IGSF21: variants seen among roughly 807,000 people sequenced by gnomAD.
IGSF21 encodes the protein immunoglobin superfamily member 21.
IGSF21 carries 28 observed loss-of-function variants against 46.8 expected under a neutral mutation model. The observed-to-expected ratio is 0.60, with a 90% CI of 0.44 to 0.82. The LOEUF is 0.82. Ranked by LOEUF, IGSF21 falls within the 40% of genes least tolerant of loss-of-function variation. The pLI is 0.00. For missense variants in IGSF21, 624 were observed against 665.5 expected (o/e 0.94, Z 0.69); for synonymous variants, 284 against 273.6 (o/e 1.04, Z -0.38).
intron 6 of IGSF21, among the ~76,000 whole-genome samples, chr1:18,367,601 C>CTTTTTTTTTTTT (rs2086179434): frequency 1.4e-5 from 1 of 72,506 alleles, no homozygotes; most frequent in African/African-American, 4.3e-5. Context: ...CTCTCTCTCT[C>CTTTTTTTTTTTT]TCTTTTTTTT....
chr1:18,237,423 C>G (rs927150749), intron 2 of IGSF21, among the ~76,000 whole-genome samples: 1 of 152,210 alleles, frequency 6.6e-6, no homozygotes, highest in African/African-American at 2.4e-5. Flanking sequence ...CATCACCTGG[C>G]CAATGGGCTT....
At chr1:18,284,454 A>G (rs1480884145) in intron 2 of IGSF21, among the ~76,000 whole-genome samples, 1 of 152,222 alleles carries the variant, frequency 6.6e-6, no homozygotes, top group Non-Finnish European at 1.5e-5. Context: ...ATCACCTCCC[A>G]CAGTCTAGAA....
At chr1:18,190,662 C>T (rs1429593145) in intron 1 of IGSF21, among the ~76,000 whole-genome samples, 1 of 152,186 alleles carries the variant, frequency 6.6e-6, no homozygotes, top group African/African-American at 2.4e-5. Flanking sequence ...TCTCTGGTCC[C>T]TCTTTCTTTC....
In IGSF21 at chr1:18,162,013, T is replaced by A. The variant is rs543922091; in HGVS notation, c.70+53815T>A. 3.9e-5 allele frequency among the ~76,000 whole-genome samples: 6 copies of A among 152,232 alleles called. No homozygotes were observed. In the South Asian group the frequency reaches 1.2e-3, roughly 32 times the overall value. On this transcript the variant is annotated intron_variant, in intron 1 of 9. Transcript: ENST00000251296. The stretch of plus-strand genomic sequence containing the variant: ...GTCCCTAACTTACAATGATTCGATT[T>A]CCTGTTTTTCTTTCTTTCTTTTTCC...
At chr1:18,215,020 G>C (rs557410341) in intron 1 of IGSF21, among the ~76,000 whole-genome samples, 1 of 152,164 alleles carries the variant, frequency 6.6e-6, no homozygotes, top group Non-Finnish European at 1.5e-5. Flanking sequence ...GATTACAGGC[G>C]TGAGCCACTG....
At chr1:18,239,837 C>T (rs1169444907) in intron 2 of IGSF21, among the ~76,000 whole-genome samples, 2 of 152,068 alleles carry the variant, frequency 1.3e-5, no homozygotes. Flanking sequence ...ATGACCCAGG[C>T]TGAGTTAGCT....
At chr1:18,353,087 G>A (rs1335592919) in intron 4 of IGSF21, among the ~76,000 whole-genome samples, 2 of 152,062 alleles carry the variant, frequency 1.3e-5, no homozygotes, top group Admixed American at 6.5e-5. Context: ...AAGCACAGAC[G>A]CAGCGTTTAT....
At chr1:18,364,066 A>AT (rs1452787258) in intron 5 of IGSF21, among the ~76,000 whole-genome samples, 1 of 152,086 alleles carries the variant, frequency 6.6e-6, no homozygotes, top group African/African-American at 2.4e-5. Context: ...TTCACAGCCC[A>AT]GGGGCTGTAG....
chr1:18,137,206 T>C (rs1048914067), intron 1 of IGSF21, among the ~76,000 whole-genome samples: 9 of 151,176 alleles, frequency 6.0e-5, no homozygotes, highest in Non-Finnish European at 1.5e-5. Flanking sequence ...GGTGGGGAGG[T>C]GGTGCACACT....
At chr1:18,153,785 A>G (rs2086543008) in intron 1 of IGSF21, among the ~76,000 whole-genome samples, 1 of 152,128 alleles carries the variant, frequency 6.6e-6, no homozygotes, top group African/African-American at 2.4e-5. Flanking sequence ...TCTGAGCCCC[A>G]GATGCATGCT....
chr1:18,133,768 C>A (rs747978976), intron 1 of IGSF21, among the ~76,000 whole-genome samples: 1 of 152,260 alleles, frequency 6.6e-6, no homozygotes, highest in Non-Finnish European at 1.5e-5. Flanking sequence ...CTGCCGATCC[C>A]CGTTATGGGG....
At chr1:18,250,271 C>CGG (rs2124526337) in intron 2 of IGSF21, among the ~76,000 whole-genome samples, 1 of 152,102 alleles carries the variant, frequency 6.6e-6, no homozygotes, top group East Asian at 1.9e-4. Flanking sequence ...GGAGTTCCTT[C>CGG]AGGAGCAAAT....
rs148227407 is a variant in IGSF21, at chr1:18,335,433, C to T, written c.424+423C>T. On this transcript the variant is annotated intron_variant, in intron 4 of 9. Transcript: ENST00000251296. This position sits in a 1 kb window ranked among gnomAD's most constrained non-coding sequence, Gnocchi z 4.8. ...AAGCGCTCATGGCTGGGATTCAGAG[C>T]TCCTGGGTTCTCACCCTCTCCCCAT... Among the ~76,000 whole-genome samples the T allele has an allele frequency of 2.6e-3, 401 of 152,334 alleles. 1 individual carries two copies. Among genetic ancestry groups the T allele is most frequent in the Middle Eastern group, 0.01 (3 of 294 alleles).
chr1:18,272,591 T>G lies in IGSF21; in HGVS notation c.184-19275T>G, dbSNP rs962987481. On this transcript the variant is annotated intron_variant, in intron 2 of 9. Coordinates refer to ENST00000251296, the MANE Select transcript of IGSF21 (RefSeq NM_032880.5). Reference sequence around the variant, plus strand: ...TCATTATGTTCATGCTGAAGATCCATCACCCATGTGACCGCGACAGCCCCT... The same window carrying G: ...TCATTATGTTCATGCTGAAGATCCAGCACCCATGTGACCGCGACAGCCCCT... Among the ~76,000 whole-genome samples, 44 of 152,240 alleles carry G rather than the reference T, an allele frequency of 2.9e-4. 2 individuals are homozygous for G.
chr1:18,297,691 C>T (rs558381697), intron 3 of IGSF21, among the ~76,000 whole-genome samples: 4 of 152,274 alleles, frequency 2.6e-5, no homozygotes, highest in East Asian at 3.9e-4. Context: ...ACATCACCCA[C>T]GCACATCCAC....
chr1:18,181,217 C>G (rs2086854768), intron 1 of IGSF21, among the ~76,000 whole-genome samples: 1 of 152,214 alleles, frequency 6.6e-6, no homozygotes, highest in Admixed American at 6.5e-5. Context: ...CATTTAACAC[C>G]TGCCTCATAT....
At chr1:18,352,914 G>A (rs2085972706) in intron 4 of IGSF21, among the ~76,000 whole-genome samples, 1 of 152,172 alleles carries the variant, frequency 6.6e-6, no homozygotes, top group Admixed American at 6.5e-5. Flanking sequence ...GCTCCACTCA[G>A]AACGGCCCCC....
chr1:18,343,968 G>C (rs538881866), intron 4 of IGSF21, among the ~76,000 whole-genome samples: 1 of 152,292 alleles, frequency 6.6e-6, no homozygotes, highest in South Asian at 2.1e-4. Context: ...ACTGGTGAGG[G>C]TTCCCAGAGG....
intron 3 of IGSF21, among the ~76,000 whole-genome samples, chr1:18,316,951 G>A (rs574482330): frequency 2.0e-5 from 3 of 152,202 alleles, no homozygotes; most frequent in African/African-American, 7.2e-5. Context: ...CAAGTAGACA[G>A]AGTGGCTCAT....
Sources: gnomAD v4.1 joint callset for allele counts (sites outside exome capture counted in the v4.1 genomes callset) on GRCh38, gnomAD v4.1.1 for gene constraint, Gnocchi (gnomAD v3.1) non-coding constraint, MANE v1.5 for transcripts, NCBI Gene and HGNC (gene_info 2026-07-23, HGNC 2026-07-21) for gene names.